The following ITPR2 variants were observed in gnomAD, a reference collection of about 807,000 sequenced individuals.
ITPR2 encodes inositol 1,4,5-trisphosphate receptor type 2, also known as inositol 1,4,5-trisphosphate-gated calcium channel ITPR2.
Under a neutral mutation model 317.1 loss-of-function variants are expected in ITPR2, and 207 were observed. The ratio of observed to expected loss-of-function variants is 0.65; its 90% CI spans 0.58 to 0.73. The LOEUF (loss-of-function observed/expected upper bound fraction) is 0.73, where lower values mean the gene tolerates loss of function less well. ITPR2 is among the 30% of genes least tolerant of loss of function. ITPR2 has a pLI of 0.00. For synonymous variants in ITPR2, 1,156 were observed against 1,149.1 expected (o/e 1.01, Z -0.12); for missense variants, 2,613 against 3,284.0 (o/e 0.80, Z 4.99).
chr12:26,474,491 G>T (rs1043171623), intron 45 of ITPR2, among the ~76,000 whole-genome samples: 5 of 152,172 alleles, frequency 3.3e-5, no homozygotes, highest in Admixed American at 3.3e-4. Context: ...AATGGAAACA[G>T]TTCCTTCAAA....
rs764089967 is a variant in ITPR2, at chr12:26,654,100, T to C, written c.2616A>G (p.Ile872Met). 7.4e-6 allele frequency: 10 copies of C among 1,350,588 alleles called. No homozygotes were observed. Among genetic ancestry groups the C allele is most frequent in the Non-Finnish European group, 9.8e-6 (10 of 1,024,622 alleles). The allele number at this position is 1,350,588 out of a possible 1,614,324, so 83.7% of individuals were successfully genotyped here. The change falls in exon 21 of 57, where the codon ATA becomes ATG. Residue 872 changes from isoleucine to methionine, a missense_variant. This residue lies in a region of ITPR2 where 817 missense variants were observed against 897.6 expected (regional missense o/e 0.91). Coordinates refer to ENST00000381340, the MANE Select transcript of ITPR2 (RefSeq NM_002223.4). ...CACTGAAACTATAAAATCCAAAGTATATAAGATTCCGAGCCAAGTGGACCA... is the reference window on the plus strand; with the variant it reads ...CACTGAAACTATAAAATCCAAAGTACATAAGATTCCGAGCCAAGTGGACCA... ...FEVVHLARNL[I>M]YFGFYSFSEL...
chr12:26,790,364 G>T (rs1565768729), intron 1 of ITPR2, 137 bp from the exon 2 acceptor site: 12 of 649,442 alleles, frequency 1.8e-5, no homozygotes, highest in Admixed American at 3.0e-5. Context: ...ACAATCATGG[G>T]TCTGTAAAAA....
At chr12:26,601,435 G>A (rs893722480) in intron 28 of ITPR2, among the ~76,000 whole-genome samples, 19 of 152,036 alleles carry the variant, frequency 1.2e-4, no homozygotes, top group African/African-American at 4.1e-4. Context: ...TTCTAGAGTC[G>A]AAGCAAGGAG....
intron 3 of ITPR2, 86 bp downstream of exon 3, chr12:26,725,564 G>C (rs1948905375): frequency 1.1e-6 from 1 of 875,256 alleles, no homozygotes; most frequent in Non-Finnish European, 1.8e-6. Flanking sequence ...TTGGGTGAAA[G>C]GACAAAGCTA....
intron 54 of ITPR2, among the ~76,000 whole-genome samples, chr12:26,391,104 GAGA>G (rs975441246): frequency 1.2e-4 from 18 of 152,286 alleles, no homozygotes; most frequent in African/African-American, 3.6e-4. Flanking sequence ...ATGGTAAGTG[GAGA>G]AGAAGTGAAT....
chr12:26,718,072 AAAAAACAAAAAC>A, intron 5 of ITPR2, among the ~76,000 whole-genome samples: 1 of 152,256 alleles, frequency 6.6e-6, no homozygotes, highest in East Asian at 1.9e-4. Context: ...TATTTCTTCT[AAAAAACAAAAAC>A]AAAAACAAAA....
At chr12:26,454,431 C>A (rs1415773367) in intron 45 of ITPR2, among the ~76,000 whole-genome samples, 4 of 152,164 alleles carry the variant, frequency 2.6e-5, no homozygotes, top group Non-Finnish European at 5.9e-5. Context: ...GTCTCGAGAT[C>A]TCTTGACCTT....
At chr12:26,678,523 C>G (rs1038230283) in intron 13 of ITPR2, among the ~76,000 whole-genome samples, 1 of 152,026 alleles carries the variant, frequency 6.6e-6, no homozygotes, top group African/African-American at 2.4e-5. Context: ...CAGTTATTTT[C>G]AGAAATAATT....
intron 54 of ITPR2, among the ~76,000 whole-genome samples, chr12:26,389,823 A>G (rs1036581780): frequency 2.0e-5 from 3 of 152,234 alleles, no homozygotes; most frequent in Admixed American, 6.5e-5. Flanking sequence ...ATTGTGTAAG[A>G]AAAAGCCTGT....
chr12:26,728,050 A>G (rs1193746197), intron 2 of ITPR2, among the ~76,000 whole-genome samples: 2 of 152,164 alleles, frequency 1.3e-5, no homozygotes, highest in Admixed American at 1.3e-4. Flanking sequence ...GCTGAGGTCA[A>G]GATCTACAGT....
chr12:26,613,829 G>C (rs1946322418), intron 26 of ITPR2, among the ~76,000 whole-genome samples: 1 of 152,048 alleles, frequency 6.6e-6, no homozygotes, highest in African/African-American at 2.4e-5. Flanking sequence ...TCAAGACTGG[G>C]GACCAGAATG....
chr12:26,616,133 TTTTA>T (rs1946367804), intron 26 of ITPR2, among the ~76,000 whole-genome samples: 2 of 95,664 alleles, frequency 2.1e-5, no homozygotes, highest in Non-Finnish European at 4.2e-5. Flanking sequence ...TTTATTTTTA[TTTTA>T]TTTTATTTTA....
intron 55 of ITPR2, among the ~76,000 whole-genome samples, chr12:26,346,586 A>G (rs895601382): frequency 9.2e-5 from 14 of 151,966 alleles, no homozygotes; most frequent in African/African-American, 3.1e-4. Context: ...TCATTAACAC[A>G]GCACTGCAGC....
intron 55 of ITPR2, among the ~76,000 whole-genome samples, chr12:26,348,113 A>G (rs1013667150): frequency 5.9e-5 from 9 of 152,210 alleles, no homozygotes; most frequent in African/African-American, 2.2e-4. Flanking sequence ...GCTGAGGAGC[A>G]TTAAGCATTT....
chr12:26,519,678 A>T (rs1943615163), intron 37 of ITPR2, among the ~76,000 whole-genome samples: 1 of 152,244 alleles, frequency 6.6e-6, no homozygotes, highest in African/African-American at 2.4e-5. Context: ...GCAGAGATAA[A>T]TGATGTAGAG....
intron 13 of ITPR2, among the ~76,000 whole-genome samples, chr12:26,679,859 CATT>C (rs1281549252): frequency 2.0e-5 from 3 of 152,006 alleles, no homozygotes; most frequent in African/African-American, 7.2e-5. Flanking sequence ...TAGTCCCCAA[CATT>C]ATTTTCTGAG....
In ITPR2 at chr12:26,599,129, C is replaced by A. The variant is rs116295124; in HGVS notation, c.4002+16G>T. On this transcript the variant is annotated intron_variant, in intron 30 of 56. Transcript: ENST00000381340. ...CTGTTTAGGTGAAGCTGATAAAAGGCAAACTGAGAACATACCTCTGTCATT... is the reference window on the plus strand; with the variant it reads ...CTGTTTAGGTGAAGCTGATAAAAGGAAAACTGAGAACATACCTCTGTCATT... The A allele has an allele frequency of 9.3e-4, 1,491 of 1,611,774 alleles. 12 individuals are homozygous for A. In the African/African-American group the frequency reaches 0.017, roughly 18 times the overall value.
intron 32 of ITPR2, among the ~76,000 whole-genome samples, chr12:26,584,213 T>C (rs982206468): frequency 1.3e-5 from 2 of 152,198 alleles, no homozygotes; most frequent in Non-Finnish European, 2.9e-5. Flanking sequence ...CAAGGATTCC[T>C]GTTTATTTAA....
At chr12:26,449,519 G>A (rs1941689017) in intron 45 of ITPR2, among the ~76,000 whole-genome samples, 1 of 152,166 alleles carries the variant, frequency 6.6e-6, no homozygotes, top group Non-Finnish European at 1.5e-5. Context: ...CTAGTTGGAG[G>A]AATTAAAACA....
Sources: gnomAD v4.1 joint callset for allele counts (sites outside exome capture counted in the v4.1 genomes callset) on GRCh38, gnomAD v4.1.1 for gene constraint, gnomAD v4.1.1 regional missense constraint, MANE v1.5 for transcripts, NCBI Gene and HGNC (gene_info 2026-07-23, HGNC 2026-07-21) for gene names.